The following TENM4 variants were observed in gnomAD, a reference collection of about 807,000 sequenced individuals.
TENM4 encodes teneurin transmembrane protein 4.
Under a neutral mutation model 243.3 loss-of-function variants are expected in TENM4, and 82 were observed. That is an observed-to-expected ratio of 0.34 (90% CI 0.28 to 0.40). The LOEUF (loss-of-function observed/expected upper bound fraction) is 0.40. Ranked by LOEUF, TENM4 falls within the 10% of genes least tolerant of loss-of-function variation. TENM4 has a pLI of 1.00. For missense variants in TENM4, 3,138 were observed against 3,673.3 expected (o/e 0.85, Z 3.77); for synonymous variants, 1,412 against 1,456.3 (o/e 0.97, Z 0.69).
At chr11:78,994,322 A>AGCTT (rs1858119016) in intron 6 of TENM4, among the ~76,000 whole-genome samples, 1 of 152,048 alleles carries the variant, frequency 6.6e-6, no homozygotes, top group South Asian at 2.1e-4. Context: ...GCATATGTGA[A>AGCTT]GCTTGGCATT....
intron 2 of TENM4, among the ~76,000 whole-genome samples, chr11:79,234,434 G>A (rs970638202): frequency 3.9e-5 from 6 of 152,200 alleles, no homozygotes; most frequent in Non-Finnish European, 7.3e-5. Context: ...CTGGCTAAGA[G>A]GCCTCGGGCA....
chr11:79,017,061 T>C (rs1358047717), intron 6 of TENM4, among the ~76,000 whole-genome samples: 3 of 152,174 alleles, frequency 2.0e-5, no homozygotes, highest in Admixed American at 2.0e-4. Flanking sequence ...CAATTTCCAG[T>C]GGAACTATAA....
At chr11:79,341,382 C>A (rs914137233) in intron 1 of TENM4, among the ~76,000 whole-genome samples, 6 of 152,198 alleles carry the variant, frequency 3.9e-5, no homozygotes, top group Non-Finnish European at 5.9e-5. Flanking sequence ...CTCCACGTGC[C>A]ATGCCTATCC....
At chr11:79,435,014 A>C (rs1859243447) in intron 1 of TENM4, among the ~76,000 whole-genome samples, 3 of 152,346 alleles carry the variant, frequency 2.0e-5, no homozygotes, top group Middle Eastern at 3.4e-3. Context: ...ATGTCACCGT[A>C]GGAGGAAAAG....
intron 6 of TENM4, among the ~76,000 whole-genome samples, chr11:78,999,579 G>C (rs1231536681): frequency 6.6e-6 from 1 of 152,040 alleles, no homozygotes; most frequent in Non-Finnish European, 1.5e-5. Context: ...AAAGAGAACA[G>C]TAACAACAAT....
At chr11:79,024,105 C>G (rs571471628) in intron 6 of TENM4, among the ~76,000 whole-genome samples, 1 of 151,678 alleles carries the variant, frequency 6.6e-6, no homozygotes, top group South Asian at 2.1e-4. Flanking sequence ...TCCTTCCCAT[C>G]CCCTGTGTAG....
intron 4 of TENM4, among the ~76,000 whole-genome samples, chr11:79,147,319 T>TG (rs1565223896): frequency 6.6e-6 from 1 of 152,230 alleles, no homozygotes; most frequent in Non-Finnish European, 1.5e-5. Context: ...ACCTTCATTC[T>TG]GGGGGGCTCT....
At chr11:78,895,461 C>T (rs1324527585) in intron 7 of TENM4, among the ~76,000 whole-genome samples, 3 of 152,194 alleles carry the variant, frequency 2.0e-5, no homozygotes, top group African/African-American at 7.2e-5. Context: ...ATGTGCCCTG[C>T]CCTCATACCC....
At chr11:78,918,115 G>A (rs1013199912) in intron 6 of TENM4, among the ~76,000 whole-genome samples, 4 of 152,148 alleles carry the variant, frequency 2.6e-5, no homozygotes, top group Admixed American at 2.0e-4. Flanking sequence ...TCTTAACGGC[G>A]ACAGTATAAT....
At chr11:79,247,486 G>A (rs953657504) in intron 2 of TENM4, among the ~76,000 whole-genome samples, 3 of 151,718 alleles carry the variant, frequency 2.0e-5, no homozygotes, top group Non-Finnish European at 1.5e-5. Flanking sequence ...ATGACCTGGA[G>A]GCGGGGCCTT....
chr11:78,835,282 C>T (rs1484551676), intron 12 of TENM4, among the ~76,000 whole-genome samples: 2 of 152,068 alleles, frequency 1.3e-5, no homozygotes, highest in Admixed American at 1.3e-4. Context: ...CCGAGGTGGA[C>T]AGATCACAAG....
At chr11:79,028,998 G>T (rs75338292) in intron 6 of TENM4, among the ~76,000 whole-genome samples, 4,594 of 152,006 alleles carry the variant, frequency 0.03, 88 homozygotes, top group Middle Eastern at 0.054. Flanking sequence ...GGCCATAAGT[G>T]GTCATTTCAA....
intron 12 of TENM4, among the ~76,000 whole-genome samples, chr11:78,842,828 G>A (rs1858292162): frequency 6.6e-6 from 1 of 152,220 alleles, no homozygotes; most frequent in Non-Finnish European, 1.5e-5. Context: ...TTCCTATGGA[G>A]GGGTGGTAGG....
intron 1 of TENM4, among the ~76,000 whole-genome samples, chr11:79,356,593 T>A (rs1316326306): frequency 6.6e-6 from 1 of 152,178 alleles, no homozygotes; most frequent in Non-Finnish European, 1.5e-5. Flanking sequence ...ATGGAAATAA[T>A]TAGCCCTGTA....
rs1857869406 is a variant in TENM4 at position 78,655,522 on chromosome 11, A to T, written c.*2536T>A. 1 of 152,062 alleles carries T rather than the reference A, an allele frequency of 6.6e-6. No individual in the cohort carries two copies. The highest frequency in any genetic ancestry group is 1.5e-5 in the Non-Finnish European group (1 of 68,062). The allele number at this position is 152,062 out of a possible 1,614,324, so 9.4% of individuals were successfully genotyped here. ...TGAGACCCCATCTCTATGAAAAAAAAAAGAAAGAAAGAAAAAAATAAATGA... is the reference window on the plus strand; with the variant it reads ...TGAGACCCCATCTCTATGAAAAAAATAAGAAAGAAAGAAAAAAATAAATGA... On this transcript the variant is annotated 3_prime_UTR_variant, in exon 34 of 34. Coordinates refer to ENST00000278550, the MANE Select transcript of TENM4 (RefSeq NM_001098816.3).
intron 1 of TENM4, among the ~76,000 whole-genome samples, chr11:79,386,967 C>A (rs968312412): frequency 6.6e-6 from 1 of 152,054 alleles, no homozygotes; most frequent in African/African-American, 2.4e-5. Flanking sequence ...ACCGAAGCAC[C>A]ATTTGTAACA....
chr11:78,844,258 G>A (rs752665462), intron 12 of TENM4, among the ~76,000 whole-genome samples: 3 of 152,194 alleles, frequency 2.0e-5, no homozygotes, highest in African/African-American at 7.2e-5. Context: ...CAATGTGACT[G>A]TATTTGGAGA....
chr11:79,263,790 C>T (rs180758965), intron 2 of TENM4, among the ~76,000 whole-genome samples: 25 of 152,268 alleles, frequency 1.6e-4, no homozygotes, highest in African/African-American at 4.6e-4. Flanking sequence ...AAACCAGGGA[C>T]GAATACAGCT....
intron 3 of TENM4, among the ~76,000 whole-genome samples, chr11:79,159,359 G>A (rs759458818): frequency 2.8e-4 from 42 of 152,084 alleles, no homozygotes; most frequent in Non-Finnish European, 5.9e-4. Flanking sequence ...TACGCACTAG[G>A]TAGCATCACC....
Sources: allele counts gnomAD v4.1 joint callset (sites outside exome capture counted in the v4.1 genomes callset), GRCh38; gene constraint gnomAD v4.1.1; transcripts MANE v1.5; gene names NCBI Gene and HGNC (gene_info 2026-07-23, HGNC 2026-07-21).